The following SYN2 variants were observed in gnomAD, a reference collection of about 807,000 sequenced individuals.
SYN2 encodes synapsin-2.
Under a neutral mutation model 50.9 loss-of-function variants are expected in SYN2, and 19 were observed. The ratio of observed to expected loss-of-function variants is 0.37; its 90% CI spans 0.26 to 0.55. The LOEUF (loss-of-function observed/expected upper bound fraction) is 0.55, where lower values mean the gene tolerates loss of function less well. Among genes scored for constraint, SYN2 ranks in the 20% least tolerant of loss-of-function variants. The pLI is 0.81. For synonymous variants in SYN2, 255 were observed against 224.9 expected (o/e 1.13, Z -1.20); for missense variants, 587 against 576.4 (o/e 1.02, Z -0.19).
chr3:12,084,998 G>GAA (rs36190055), intron 1 of SYN2, among the ~76,000 whole-genome samples: 2,259 of 150,036 alleles, frequency 0.015, 33 homozygotes, highest in Non-Finnish European at 0.021. Flanking sequence ...AATTAACTAG[G>GAA]AAAAAAAAAA....
intron 1 of SYN2, among the ~76,000 whole-genome samples, chr3:12,102,698 T>G (rs1696103371): frequency 6.6e-6 from 1 of 152,182 alleles, no homozygotes; most frequent in South Asian, 2.1e-4. Flanking sequence ...TTCCTTCAAT[T>G]TATTGTTTCT....
intron 5 of SYN2, among the ~76,000 whole-genome samples, chr3:12,160,107 T>C (rs1189381178): frequency 1.3e-5 from 2 of 150,638 alleles, no homozygotes; most frequent in Non-Finnish European, 3.0e-5. Context: ...TGGGGGTGAC[T>C]GTGACCAGAG....
rs554687591 is a variant in SYN2, at chr3:12,158,307, G to A, written c.775-3239G>A. ...TGTGTGTTGCCATAGGGGCTTGGTG[G>A]CAACCTCAGTTATAGGCCTGGACAG... On this transcript the variant is annotated intron_variant, in intron 5 of 12. Coordinates refer to ENST00000621198, the MANE Select transcript of SYN2 (RefSeq NM_133625.6). Among the ~76,000 whole-genome samples the A allele has an allele frequency of 3.0e-4, 45 of 152,274 alleles. No individual in the cohort carries two copies. The South Asian group carries it at 9.3e-3, about 32-fold the overall frequency.
intron 1 of SYN2, among the ~76,000 whole-genome samples, chr3:12,110,607 C>G (rs1696289392): frequency 6.6e-6 from 1 of 152,220 alleles, no homozygotes; most frequent in African/African-American, 2.4e-5. Flanking sequence ...TATACATCCT[C>G]CGAAATCTAG....
At chr3:12,080,592 T>C (rs563887615) in intron 1 of SYN2, among the ~76,000 whole-genome samples, 5 of 152,328 alleles carry the variant, frequency 3.3e-5, no homozygotes, top group Admixed American at 2.6e-4. Flanking sequence ...GGTTGCTCAG[T>C]TTCCATGTAG....
chr3:12,031,403 G>T (rs1481021998), intron 1 of SYN2, among the ~76,000 whole-genome samples: 9 of 69,616 alleles, frequency 1.3e-4, no homozygotes, highest in African/African-American at 3.5e-4. Flanking sequence ...GGTCCGCTTG[G>T]TGCAGAGCTG....
intron 5 of SYN2, among the ~76,000 whole-genome samples, chr3:12,160,101 G>A (rs536958604): frequency 8.6e-5 from 13 of 151,982 alleles, no homozygotes; most frequent in Non-Finnish European, 1.5e-4. Context: ...GGGACTTGGG[G>A]GTGACTGTGA....
At chr3:12,022,978 G>A (rs1356166798) in intron 1 of SYN2, among the ~76,000 whole-genome samples, 2 of 152,170 alleles carry the variant, frequency 1.3e-5, no homozygotes, top group Non-Finnish European at 2.9e-5. Context: ...TGGTGGAGGA[G>A]TAGAGAAATG....
chr3:12,187,466 CT>C lies in SYN2; in HGVS notation c.1468del (p.Ser490ProfsTer54). 7.1e-7 allele frequency: 1 copy of C among 1,402,020 alleles called. No homozygotes were observed. Among genetic ancestry groups the C allele is most frequent in the South Asian group, 1.3e-5 (1 of 76,960 alleles). 86.8% of individuals were successfully genotyped at this position (1,402,020 alleles called of 1,614,324 possible). On this transcript the variant is annotated frameshift_variant, in exon 12 of 13. Transcript: ENST00000621198. LOFTEE classifies it high-confidence loss of function. ...CATCACTGCCACCTTCCTCCTCTTC[CT>C]CCTCTTCTTCCTCCTCCTCGGCTCC... is the stretch of plus-strand genomic sequence containing the variant. ...GPSLPPSSSS[S>X]SSSSSSAPQR...
chr3:12,083,492 G>A (rs1695624148), intron 1 of SYN2, among the ~76,000 whole-genome samples: 1 of 152,194 alleles, frequency 6.6e-6, no homozygotes, highest in African/African-American at 2.4e-5. Context: ...CTCAAGGAGA[G>A]AGCTAGGGAC....
At chr3:12,095,544 T>C (rs1361240847) in intron 1 of SYN2, among the ~76,000 whole-genome samples, 1 of 31,610 alleles carries the variant, frequency 3.2e-5, no homozygotes, top group Non-Finnish European at 5.3e-5. Flanking sequence ...CGAGACTCCG[T>C]CTCAAAAAAA....
chr3:12,019,720 G>A (rs1694091782), intron 1 of SYN2, among the ~76,000 whole-genome samples: 1 of 152,176 alleles, frequency 6.6e-6, no homozygotes, highest in Admixed American at 6.5e-5. Flanking sequence ...TACAATTTAT[G>A]TACTTTGACT....
At chr3:12,075,120 G>A (rs308971) in intron 1 of SYN2, among the ~76,000 whole-genome samples, 125,388 of 152,032 alleles carry the variant, frequency 0.82, 52,199 homozygotes, top group Middle Eastern at 0.93. Flanking sequence ...GTGAATATTA[G>A]TGGTTTTTCA....
At chr3:12,149,021 A>G (rs540931845) in intron 4 of SYN2, among the ~76,000 whole-genome samples, 1 of 152,320 alleles carries the variant, frequency 6.6e-6, no homozygotes, top group East Asian at 1.9e-4. Context: ...TGCCAAGCTC[A>G]CTACCTTGAG....
intron 1 of SYN2, among the ~76,000 whole-genome samples, chr3:12,096,647 A>C (rs1251292403): frequency 2.6e-5 from 4 of 152,130 alleles, no homozygotes; most frequent in Non-Finnish European, 4.4e-5. Context: ...ATATCTAAAA[A>C]ACTAAAGGAA....
In SYN2 at chr3:12,187,547, C is replaced by T. The variant is rs758510209; in HGVS notation, c.1548C>T (p.Ser516=). ...THGDAPSSSS[S]LAEAQPPLAA... is the part of the protein sequence containing the mutation. ...GAGATGCACCCTCCAGCAGCAGCTC[C>T]CTGGCAGAGGCCCAGCCACCCCTGG... The change falls in exon 12 of 13, where the codon TCC becomes TCT. Residue 516 remains serine (S), a synonymous_variant. Coordinates refer to ENST00000621198, the MANE Select transcript of SYN2 (RefSeq NM_133625.6). 1.3e-6 allele frequency: 2 copies of T among 1,552,330 alleles called. No individual in the cohort carries two copies.
At chr3:12,031,198 A>T (rs1178696574) in intron 1 of SYN2, among the ~76,000 whole-genome samples, 4 of 19,938 alleles carry the variant, frequency 2.0e-4, no homozygotes, top group African/African-American at 5.7e-4. Context: ...TTTGAGTGAG[A>T]TTCTTAATCC....
At chr3:12,137,933 T>C (rs1314617060) in intron 1 of SYN2, among the ~76,000 whole-genome samples, 3 of 152,176 alleles carry the variant, frequency 2.0e-5, no homozygotes, top group Admixed American at 1.3e-4. Context: ...CCACATGATA[T>C]ACTATTTTTA....
chr3:12,153,388 T>C, intron 5 of SYN2: 1 of 1,118,456 alleles, frequency 8.9e-7, no homozygotes, highest in Non-Finnish European at 1.3e-6. Flanking sequence ...GTGGCCAGAC[T>C]GTCCACTTGG....
Sources: gnomAD v4.1 joint callset for allele counts (sites outside exome capture counted in the v4.1 genomes callset) on GRCh38, gnomAD v4.1.1 for gene constraint, MANE v1.5 for transcripts, NCBI Gene and HGNC (gene_info 2026-07-23, HGNC 2026-07-21) for gene names.